Variants in HMBOX1 observed in about 807,000 individuals in gnomAD.
HMBOX1 encodes homeobox-containing protein 1.
Under a neutral mutation model 54.5 loss-of-function variants are expected in HMBOX1, and 14 were observed. The observed-to-expected ratio is 0.26, with a 90% CI of 0.17 to 0.40. The LOEUF is 0.40. HMBOX1 is among the 10% of genes least tolerant of loss of function. The probability of loss-of-function intolerance (pLI) is 1.00; values close to 1 mark genes in which losing one functional copy is unlikely to be tolerated. For synonymous variants in HMBOX1, 160 were observed against 181.0 expected (o/e 0.88, Z 0.93); for missense variants, 332 against 514.4 (o/e 0.65, Z 3.43).
chr8:28,987,595 C>A (rs1830353897), intron 4 of HMBOX1, among the ~76,000 whole-genome samples: 1 of 152,206 alleles, frequency 6.6e-6, no homozygotes, highest in African/African-American at 2.4e-5. Context: ...GTCCTTTATG[C>A]AGTAAAGAAT....
intron 1 of HMBOX1, among the ~76,000 whole-genome samples, chr8:28,932,194 A>G (rs1819592840): frequency 6.6e-6 from 1 of 152,242 alleles, no homozygotes; most frequent in South Asian, 2.1e-4. Context: ...TTCAAGGATC[A>G]GAAAGACGGC....
chr8:28,948,431 C>T (rs2132096853), intron 1 of HMBOX1, among the ~76,000 whole-genome samples: 1 of 152,262 alleles, frequency 6.6e-6, no homozygotes, highest in East Asian at 1.9e-4. Flanking sequence ...TACCATTTAT[C>T]TCATGTTACA....
chr8:28,950,902 A>T (rs958501931), intron 1 of HMBOX1, among the ~76,000 whole-genome samples: 1 of 152,238 alleles, frequency 6.6e-6, no homozygotes, highest in African/African-American at 2.4e-5. Context: ...TGTGTTTTAA[A>T]GTAATCAAGA....
chr8:28,920,414 T>C (rs1297025330), intron 1 of HMBOX1, among the ~76,000 whole-genome samples: 1 of 152,248 alleles, frequency 6.6e-6, no homozygotes, highest in African/African-American at 2.4e-5. Context: ...GAAGTTTAAA[T>C]ATATTACATT....
At chr8:29,029,044 C>T (rs1040213221) in intron 6 of HMBOX1, among the ~76,000 whole-genome samples, 1 of 151,902 alleles carries the variant, frequency 6.6e-6, no homozygotes, top group African/African-American at 2.4e-5. Flanking sequence ...TTGAGGCTTT[C>T]TTGTCATTTA....
At chr8:29,007,398 T>TAGA (rs1833619611) in intron 4 of HMBOX1, among the ~76,000 whole-genome samples, 1 of 152,382 alleles carries the variant, frequency 6.6e-6, no homozygotes, top group African/African-American at 2.4e-5. Context: ...TGCATTTTCT[T>TAGA]AGAAGAGGCA....
intron 3 of HMBOX1, among the ~76,000 whole-genome samples, chr8:28,973,774 C>T (rs953624130): frequency 1.8e-4 from 26 of 146,092 alleles, no homozygotes; most frequent in Admixed American, 9.1e-4. Context: ...ACGAACTTCA[C>T]TCCTAATAAT....
chr8:28,917,733 G>A (rs565733195), intron 1 of HMBOX1, among the ~76,000 whole-genome samples: 4 of 152,056 alleles, frequency 2.6e-5, no homozygotes, highest in Admixed American at 6.6e-5. Flanking sequence ...AGTTTGCTCC[G>A]AGTTTTGGTC....
intron 4 of HMBOX1, among the ~76,000 whole-genome samples, chr8:28,985,325 T>A (rs1005747295): frequency 6.6e-6 from 1 of 152,176 alleles, no homozygotes; most frequent in Non-Finnish European, 1.5e-5. Context: ...GTCTCTTTTA[T>A]TGGGGCACTA....
intron 1 of HMBOX1, among the ~76,000 whole-genome samples, chr8:28,919,247 A>G (rs1482215848): frequency 6.6e-6 from 1 of 152,244 alleles, no homozygotes; most frequent in East Asian, 1.9e-4. Flanking sequence ...GCCCTTCTGT[A>G]TCCAAGGGTT....
intron 3 of HMBOX1, among the ~76,000 whole-genome samples, chr8:28,976,576 C>T (rs994311536): frequency 6.6e-6 from 1 of 152,152 alleles, no homozygotes; most frequent in African/African-American, 2.4e-5. Flanking sequence ...TCAGATGATA[C>T]AGCCAGGGCC....
Position 28,972,808 on chromosome 8 carries a change from A to G in HMBOX1, c.500+2289A>G, listed in dbSNP as rs576671584. 2.1e-3 allele frequency among the ~76,000 whole-genome samples: 314 copies of G among 152,370 alleles called. 1 individual carries two copies. Among genetic ancestry groups the G allele is most frequent in the Middle Eastern group, 6.8e-3 (2 of 294 alleles). On this transcript the variant is annotated intron_variant, in intron 3 of 9. Transcript: ENST00000287701. The stretch of plus-strand genomic sequence containing the variant: ...CCTGACATAATGTTTTAATTCAAAT[A>G]TATGCTCAAAATAAATGAAAACCTA...
chr8:28,944,075 A>G (rs1010332235), intron 1 of HMBOX1, among the ~76,000 whole-genome samples: 1 of 152,308 alleles, frequency 6.6e-6, no homozygotes, highest in Non-Finnish European at 1.5e-5. Flanking sequence ...ATCATCTGCT[A>G]CAGGCTAGAT....
At chr8:28,920,795 C>T (rs925457653) in intron 1 of HMBOX1, among the ~76,000 whole-genome samples, 13 of 151,938 alleles carry the variant, frequency 8.6e-5, no homozygotes, top group African/African-American at 3.1e-4. Context: ...TTTTGAGAGA[C>T]CAGACAATCA....
intron 1 of HMBOX1, among the ~76,000 whole-genome samples, chr8:28,902,577 C>T (rs921033174): frequency 1.7e-4 from 26 of 152,276 alleles, no homozygotes; most frequent in African/African-American, 6.0e-4. Context: ...TCTCCTTAGG[C>T]ATCTCCCTGT....
At chr8:28,909,961 G>A (rs1017255838) in intron 1 of HMBOX1, among the ~76,000 whole-genome samples, 3 of 152,000 alleles carry the variant, frequency 2.0e-5, no homozygotes, top group Non-Finnish European at 4.4e-5. Flanking sequence ...CTGGGCTCAG[G>A]TGATTCTCCT....
intron 1 of HMBOX1, among the ~76,000 whole-genome samples, chr8:28,945,638 A>G (rs1452219775): frequency 6.6e-6 from 1 of 152,216 alleles, no homozygotes; most frequent in Admixed American, 6.5e-5. Flanking sequence ...TTAGTTTATC[A>G]TGTAAAGAAT....
intron 1 of HMBOX1, among the ~76,000 whole-genome samples, chr8:28,904,478 G>C (rs529070320): frequency 1.3e-5 from 2 of 151,886 alleles, no homozygotes; most frequent in Non-Finnish European, 2.9e-5. Context: ...TGATCCGCCC[G>C]CCTAGGCCTC....
rs569085851 is a variant in HMBOX1 at position 28,971,799 on chromosome 8, T to C, written c.500+1280T>C. ...AGTTTTGTAAAAACTCCTCTAGGAA[T>C]AGAGATGATAAAGGTATTGTTTTCA... On this transcript the variant is annotated intron_variant, in intron 3 of 9. Transcript: ENST00000287701. Among the ~76,000 whole-genome samples the C allele has an allele frequency of 2.6e-5, 4 of 152,218 alleles. No individual in the cohort carries two copies. In the East Asian group the frequency reaches 7.7e-4, roughly 29 times the overall value.
Sources: gnomAD v4.1 joint callset for allele counts (sites outside exome capture counted in the v4.1 genomes callset) on GRCh38, gnomAD v4.1.1 for gene constraint, MANE v1.5 for transcripts, NCBI Gene and HGNC (gene_info 2026-07-23, HGNC 2026-07-21) for gene names.